Variants in KIAA1217 observed in about 807,000 individuals in gnomAD.
KIAA1217 encodes sickle tail protein homolog.
Under a neutral mutation model 163.9 loss-of-function variants are expected in KIAA1217, and 88 were observed. That is an observed-to-expected ratio of 0.54 (90% CI 0.45 to 0.64). The LOEUF (loss-of-function observed/expected upper bound fraction) is 0.64. Ranked by LOEUF, KIAA1217 falls within the 30% of genes least tolerant of loss-of-function variation. The pLI is 0.00. For synonymous variants in KIAA1217, 903 were observed against 923.1 expected (o/e 0.98, Z 0.39); for missense variants, 2,372 against 2,475.0 (o/e 0.96, Z 0.88).
intron 2 of KIAA1217, among the ~76,000 whole-genome samples, chr10:24,011,833 G>A (rs1847246903): frequency 6.6e-6 from 1 of 152,156 alleles, no homozygotes; most frequent in Non-Finnish European, 1.5e-5. Context: ...AGTAAAAATT[G>A]ATGTGGTGGA....
chr10:24,305,460 A>G (rs2041904286), intron 2 of KIAA1217, among the ~76,000 whole-genome samples: 1 of 152,188 alleles, frequency 6.6e-6, no homozygotes, highest in Admixed American at 6.5e-5. Flanking sequence ...GTTACATTGA[A>G]TATTGCATTG....
chr10:23,940,404 G>C (rs1206611225), intron 1 of KIAA1217, among the ~76,000 whole-genome samples: 2 of 140,678 alleles, frequency 1.4e-5, no homozygotes, highest in Non-Finnish European at 3.0e-5. Flanking sequence ...AGTTTGCAGT[G>C]AGCCGAGATT....
intron 1 of KIAA1217, among the ~76,000 whole-genome samples, chr10:23,734,345 G>T (rs1478222151): frequency 1.3e-5 from 2 of 150,802 alleles, no homozygotes; most frequent in African/African-American, 4.9e-5. Flanking sequence ...GGAGTGCAGT[G>T]GCATGATCTC....
At chr10:24,229,203 G>C (rs995111522) in intron 2 of KIAA1217, among the ~76,000 whole-genome samples, 11 of 152,202 alleles carry the variant, frequency 7.2e-5, no homozygotes, top group Non-Finnish European at 1.3e-4. Context: ...TTGAAATTAA[G>C]ACACATGTAT....
chr10:24,275,318 A>G (rs982989682), intron 2 of KIAA1217, among the ~76,000 whole-genome samples: 5 of 152,204 alleles, frequency 3.3e-5, no homozygotes, highest in African/African-American at 1.2e-4. Flanking sequence ...TCACACACAC[A>G]TACACGCATG....
At chr10:23,972,653 C>T (rs1342127042) in intron 1 of KIAA1217, among the ~76,000 whole-genome samples, 1 of 151,984 alleles carries the variant, frequency 6.6e-6, no homozygotes, top group Non-Finnish European at 1.5e-5. Flanking sequence ...AAGACACATG[C>T]ACACATATGT....
At chr10:23,897,781 G>A (rs1841770201) in intron 1 of KIAA1217, among the ~76,000 whole-genome samples, 1 of 151,758 alleles carries the variant, frequency 6.6e-6, no homozygotes, top group Admixed American at 6.6e-5. Context: ...TATAAAAAAG[G>A]ATTAAATATA....
intron 2 of KIAA1217, among the ~76,000 whole-genome samples, chr10:24,156,499 A>G (rs1186729038): frequency 6.6e-6 from 1 of 152,186 alleles, no homozygotes; most frequent in Non-Finnish European, 1.5e-5. Flanking sequence ...TTGACATTTG[A>G]AACCTTGCTG....
chr10:23,982,531 C>CTT (rs1845812792), intron 1 of KIAA1217, among the ~76,000 whole-genome samples: 1 of 59,420 alleles, frequency 1.7e-5, no homozygotes, highest in African/African-American at 9.6e-5. Context: ...TTTTTTGTTT[C>CTT]TCTCTCTCTC....
intron 2 of KIAA1217, among the ~76,000 whole-genome samples, chr10:24,126,357 G>T (rs2063472788): frequency 6.6e-6 from 1 of 151,954 alleles, no homozygotes; most frequent in South Asian, 2.1e-4. Flanking sequence ...ATGATGTATT[G>T]TTTTAATACA....
chr10:23,862,967 C>T (rs1022518751), intron 1 of KIAA1217, among the ~76,000 whole-genome samples: 4 of 152,136 alleles, frequency 2.6e-5, no homozygotes, highest in Non-Finnish European at 5.9e-5. Context: ...CTCCAAATTA[C>T]CAAATTCAAC....
At chr10:24,006,495 C>G (rs1386507476) in intron 1 of KIAA1217, among the ~76,000 whole-genome samples, 2 of 152,108 alleles carry the variant, frequency 1.3e-5, no homozygotes, top group African/African-American at 4.8e-5. Flanking sequence ...CTATAGTTTC[C>G]CACAGCATAG....
intron 1 of KIAA1217, among the ~76,000 whole-genome samples, chr10:23,707,855 T>G (rs577509130): frequency 6.6e-6 from 1 of 152,294 alleles, no homozygotes; most frequent in East Asian, 1.9e-4. Context: ...TCCATTCCAG[T>G]TCTTTACATT....
intron 2 of KIAA1217, among the ~76,000 whole-genome samples, chr10:24,270,261 G>T (rs192973621): frequency 3.5e-4 from 54 of 152,256 alleles, no homozygotes; most frequent in Non-Finnish European, 7.1e-4. Flanking sequence ...AGTCAGTTTG[G>T]TCACTGAACA....
rs866143878 is a variant in KIAA1217, at chr10:24,333,853, T to C, written c.355-47016T>C. ...AAAACTTGAATTCAGTGTGGAAAAA[T>C]GTTGAGAGATAAGTTATTAATGTTA... On this transcript the variant is annotated intron_variant, in intron 2 of 20. Transcript: ENST00000376454. Among the ~76,000 whole-genome samples the C allele has an allele frequency of 7.9e-5, 12 of 152,160 alleles. No homozygotes were observed. In the Middle Eastern group the frequency reaches 0.01, roughly 129 times the overall value.
intron 1 of KIAA1217, among the ~76,000 whole-genome samples, chr10:23,843,182 A>G (rs1207795046): frequency 6.6e-6 from 1 of 152,212 alleles, no homozygotes; most frequent in Non-Finnish European, 1.5e-5. Flanking sequence ...AATTTGTATT[A>G]TATGTGGTAG....
rs186652409 is a variant in KIAA1217, at chr10:24,004,480, T to C, written c.-320-2745T>C. Among the ~76,000 whole-genome samples, 529 of 152,368 alleles carry C rather than the reference T, an allele frequency of 3.5e-3. 3 individuals carry two copies. Among genetic ancestry groups the C allele is most frequent in the African/African-American group, 0.012 (508 of 41,590 alleles). Reference sequence around the variant, plus strand: ...TCTATTTGTGTAAAAATAATAAAACTATATTTGGAACTATATTCTAATATA... The same window carrying C: ...TCTATTTGTGTAAAAATAATAAAACCATATTTGGAACTATATTCTAATATA... On this transcript the variant is annotated intron_variant, in intron 1 of 18. Transcript: ENST00000376462.
intron 1 of KIAA1217, among the ~76,000 whole-genome samples, chr10:24,218,448 A>AGC (rs2069121589): frequency 6.6e-6 from 1 of 151,676 alleles, no homozygotes; most frequent in Admixed American, 6.6e-5. Context: ...CCTCAAGTAA[A>AGC]ATTTGTCTAA....
At chr10:24,164,806 C>A (rs894222206) in intron 2 of KIAA1217, among the ~76,000 whole-genome samples, 2 of 152,144 alleles carry the variant, frequency 1.3e-5, no homozygotes, top group African/African-American at 4.8e-5. Flanking sequence ...CTATCAGAAC[C>A]AGTTGTGCCC....
Sources: allele counts gnomAD v4.1 joint callset (sites outside exome capture counted in the v4.1 genomes callset), GRCh38; gene constraint gnomAD v4.1.1; transcripts MANE v1.5; gene names NCBI Gene and HGNC (gene_info 2026-07-23, HGNC 2026-07-21).